Variants in PARVB observed in about 807,000 individuals in gnomAD.
PARVB encodes parvin beta, also known as beta-parvin.
Under a neutral mutation model 47.0 loss-of-function variants are expected in PARVB, and 46 were observed. That is an observed-to-expected ratio of 0.98 (90% CI 0.77 to 1.25). The LOEUF is 1.25. Among genes scored for constraint, PARVB ranks in the 50% most tolerant of loss-of-function variants. The pLI is 0.00. For synonymous variants in PARVB, 196 were observed against 196.3 expected, an observed-to-expected ratio of 1.00 and a Z score of 0.01; for missense variants, 473 against 471.6, an observed-to-expected ratio of 1.00 and a Z score of -0.03.
At chr22:44,156,187 C>A (rs1455838280) in intron 10 of PARVB, among the ~76,000 whole-genome samples, 2 of 152,042 alleles carry the variant, frequency 1.3e-5, no homozygotes. Context: ...TGCCCACTGG[C>A]ACTAGCTTTA....
Position 44,024,384 on chromosome 22 carries a change from GA to G in PARVB, c.47del (p.Lys16ArgfsTer23). The G allele has an allele frequency of 8.0e-7, 1 of 1,243,166 alleles. No homozygotes were observed. The highest frequency in any genetic ancestry group is 1.0e-6 in the Non-Finnish European group (1 of 978,384). The allele number at this position is 1,243,166 out of a possible 1,614,324, so 77.0% of individuals were successfully genotyped here. A position where few individuals can be genotyped will look rare whatever the true frequency, so the allele number is the denominator to read the frequency against. On this transcript the variant is annotated frameshift_variant, in exon 1 of 13. Coordinates refer to ENST00000338758, the MANE Select transcript of PARVB (RefSeq NM_013327.5). LOFTEE classifies it high-confidence loss of function. Reference sequence around the variant, plus strand: ...CGCCCACCCCGCGGCCCCGCAGGATGAAGAAGGACGAGTCGTTCCTGGGCAA... The same window carrying G: ...CGCCCACCCCGCGGCCCCGCAGGATGAGAAGGACGAGTCGTTCCTGGGCAA... Reference protein sequence around the residue: ...RSPTPRPRRMKKDESFLGKLG... With the variant: ...RSPTPRPRRMXKDESFLGKLG...
At chr22:44,122,086 C>G (rs899772606) in intron 4 of PARVB, among the ~76,000 whole-genome samples, 3 of 152,098 alleles carry the variant, frequency 2.0e-5, no homozygotes, top group Non-Finnish European at 4.4e-5. Context: ...ATTTGTTTCT[C>G]TCTGTATTTA....
chr22:44,013,566 C>T (rs1017124195), intron 2 of PARVB, among the ~76,000 whole-genome samples: 4 of 152,200 alleles, frequency 2.6e-5, no homozygotes, highest in Non-Finnish European at 4.4e-5. Context: ...AGTGGATTCA[C>T]GCAGTCTGTG....
In PARVB at chr22:44,168,787, G is replaced by T; in HGVS notation, c.*109G>T. On this transcript the variant is annotated 3_prime_UTR_variant, in exon 13 of 13. Coordinates refer to ENST00000338758, the MANE Select transcript of PARVB (RefSeq NM_013327.5). ...GCGCCATGGGCTTCTGGTCCAAGCT[G>T]TGTTGACTGTCATCCCCACCCCACC... The T allele has an allele frequency of 1.4e-6, 1 of 722,626 alleles. No individual in the cohort carries two copies. The highest frequency in any genetic ancestry group is 1.8e-5 in the African/African-American group (1 of 57,092). 44.8% of individuals were successfully genotyped at this position (722,626 alleles called of 1,614,324 possible).
Position 44,041,224 on chromosome 22 carries a change from G to A in PARVB, c.112+16773G>A, listed in dbSNP as rs371964431. Among the ~76,000 whole-genome samples the A allele has an allele frequency of 7.9e-5, 12 of 152,246 alleles. 1 individual carries two copies. In the South Asian group the frequency reaches 1.0e-3, roughly 13 times the overall value. On this transcript the variant is annotated intron_variant, in intron 1 of 12. Coordinates refer to ENST00000338758, the MANE Select transcript of PARVB (RefSeq NM_013327.5). ...AAACTTTACTTGGCTGGGAGTGGGGGCCCATGCCTGTAATCTCAGCACTTT... is the reference window on the plus strand; with the variant it reads ...AAACTTTACTTGGCTGGGAGTGGGGACCCATGCCTGTAATCTCAGCACTTT...
intron 11 of PARVB, among the ~76,000 whole-genome samples, chr22:44,161,310 T>TTTC (rs1351499145): frequency 2.8e-5 from 4 of 144,760 alleles, no homozygotes; most frequent in African/African-American, 5.1e-5. Flanking sequence ...TTTCTTTTCT[T>TTTC]TTTTTTTTTT....
At chr22:43,999,236 C>A (rs1052376283) in exon 1 of PARVB, 1 of 894,782 alleles carries the variant, frequency 1.1e-6, no homozygotes, top group Non-Finnish European at 1.7e-6. Flanking sequence ...TTGACGTCCT[C>A]CCCATCTCCG....
intron 3 of PARVB, chr22:44,106,835 A>C (rs2052579580): frequency 6.6e-6 from 1 of 152,052 alleles, no homozygotes; most frequent in South Asian, 2.1e-4. Context: ...AGCTCTGGGT[A>C]AGCTAGGCAC....
chr22:44,122,540 G>GAC lies in PARVB; in HGVS notation c.376+3401_376+3402insCA, dbSNP rs1569134430. ...AGAGACAGAGAGACAGAGAGAGAGA[G>GAC]AGAGAGAGAGAGACACAGAGACAGA... On this transcript the variant is annotated intron_variant, in intron 4 of 12. Coordinates refer to ENST00000338758, the MANE Select transcript of PARVB (RefSeq NM_013327.5). 8.4e-5 allele frequency among the ~76,000 whole-genome samples: 9 copies of GAC among 107,508 alleles called. 1 individual carries two copies. The allele number at this position is 107,508 out of a possible 152,430, so 70.5% of individuals were successfully genotyped here. A position where few individuals can be genotyped will look rare whatever the true frequency, so the allele number is the denominator to read the frequency against.
upstream of PARVB, among the ~76,000 whole-genome samples, chr22:44,021,822 CTAG>C (rs1448235311): frequency 6.8e-6 from 1 of 147,500 alleles, no homozygotes; most frequent in Admixed American, 6.8e-5. Flanking sequence ...CACACAGGGC[CTAG>C]TAGAGACGGA....
intron 1 of PARVB, among the ~76,000 whole-genome samples, chr22:44,041,954 T>G (rs2051026722): frequency 6.6e-6 from 1 of 152,156 alleles, no homozygotes. Flanking sequence ...GCCTTTGTTC[T>G]CATTGGCATC....
intron 11 of PARVB, among the ~76,000 whole-genome samples, chr22:44,163,189 G>C (rs2054089977): frequency 6.6e-6 from 1 of 152,224 alleles, no homozygotes; most frequent in African/African-American, 2.4e-5. Flanking sequence ...GTCACTGTGG[G>C]CCAGGCGCAG....
At chr22:44,118,412 G>T (rs1334378426) in intron 3 of PARVB, among the ~76,000 whole-genome samples, 1 of 152,220 alleles carries the variant, frequency 6.6e-6, no homozygotes, top group African/African-American at 2.4e-5. Context: ...ATTGTGTGGA[G>T]TGAGAATTCT....
intron 1 of PARVB, among the ~76,000 whole-genome samples, chr22:44,056,729 C>G (rs565323839): frequency 6.6e-6 from 1 of 151,808 alleles, no homozygotes; most frequent in South Asian, 2.1e-4. Context: ...TGGCCTCGAA[C>G]CCCTGGGCTC....
intron 1 of PARVB, among the ~76,000 whole-genome samples, chr22:44,088,603 C>T (rs2052088459): frequency 6.6e-6 from 1 of 152,172 alleles, no homozygotes; most frequent in South Asian, 2.1e-4. Flanking sequence ...GCCCAAGTAG[C>T]TGGGATTGCA....
chr22:44,109,379 G>A lies in PARVB; in HGVS notation c.273+9256G>A, dbSNP rs1039052207. The A allele has an allele frequency of 4.6e-5, 7 of 152,356 alleles. No individual in the cohort carries two copies. In the East Asian group the frequency reaches 5.8e-4, roughly 13 times the overall value. 9.4% of individuals were successfully genotyped at this position (152,356 alleles called of 1,614,324 possible). On this transcript the variant is annotated intron_variant, in intron 3 of 12. Coordinates refer to ENST00000338758, the MANE Select transcript of PARVB (RefSeq NM_013327.5). ...TGGTTAAAGCCAAAGCTCATAAGACGTGTGTGATGGAGTGGTATGCAAGAG... is the reference window on the plus strand; with the variant it reads ...TGGTTAAAGCCAAAGCTCATAAGACATGTGTGATGGAGTGGTATGCAAGAG...
chr22:44,121,378 C>T (rs572475704), intron 4 of PARVB, among the ~76,000 whole-genome samples: 2 of 152,016 alleles, frequency 1.3e-5, no homozygotes, highest in African/African-American at 4.8e-5. Context: ...ACCCATGATG[C>T]GCTCCCCATG....
At chr22:44,094,115 C>CCTG in intron 2 of PARVB, 98 bp downstream of exon 2, 1 of 632,326 alleles carries the variant, frequency 1.6e-6, no homozygotes, top group South Asian at 2.1e-5. Flanking sequence ...TAGATCTGGC[C>CCTG]TCTTGATCAG....
At chr22:44,062,149 G>A (rs2051431700) in intron 1 of PARVB, among the ~76,000 whole-genome samples, 2 of 152,132 alleles carry the variant, frequency 1.3e-5, no homozygotes, top group Non-Finnish European at 2.9e-5. Flanking sequence ...AGAGGTGCAG[G>A]GATGCTTCCT....
Sources: allele counts gnomAD v4.1 joint callset (sites outside exome capture counted in the v4.1 genomes callset), GRCh38; gene constraint gnomAD v4.1.1; transcripts MANE v1.5; gene names NCBI Gene and HGNC (gene_info 2026-07-23, HGNC 2026-07-21).